The following CPLANE1 variants were observed in gnomAD, a reference collection of about 807,000 sequenced individuals.
CPLANE1 encodes ciliogenesis and planar polarity effector complex subunit 1, also known as ciliogenesis and planar polarity effector 1.
CPLANE1 carries 263 observed loss-of-function variants against 362.5 expected under a neutral mutation model. The ratio of observed to expected loss-of-function variants is 0.73; its 90% CI spans 0.66 to 0.80. The LOEUF is 0.80. Among genes scored for constraint, CPLANE1 ranks in the 30% least tolerant of loss-of-function variants. The pLI, the probability that CPLANE1 is intolerant of heterozygous loss-of-function variation, is 0.00. For missense variants in CPLANE1, 3,461 were observed against 3,793.4 expected, an observed-to-expected ratio of 0.91 and a Z score of 2.30; for synonymous variants, 1,212 against 1,302.6, an observed-to-expected ratio of 0.93 and a Z score of 1.50.
At chr5:37,189,342 G>A (rs1450096266) in intron 21 of CPLANE1, among the ~76,000 whole-genome samples, 1 of 152,094 alleles carries the variant, frequency 6.6e-6, no homozygotes, top group African/African-American at 2.4e-5. Flanking sequence ...AGAGGATGGT[G>A]GGTACATGGC....
At chr5:37,127,201 T>G (rs1417429034) in intron 46 of CPLANE1, among the ~76,000 whole-genome samples, 1 of 152,320 alleles carries the variant, frequency 6.6e-6, no homozygotes. Context: ...TAGGATAAAT[T>G]ATAGCCATGA....
At chr5:37,115,133 C>T in intron 50 of CPLANE1, 84 bp from the exon 51 acceptor site, 1 of 893,980 alleles carries the variant, frequency 1.1e-6, no homozygotes, top group Non-Finnish European at 1.8e-6. Flanking sequence ...GGACAGACAC[C>T]TTGGTGATCA....
chr5:37,094,470 A>G, the CPLANE1 span, among the ~76,000 whole-genome samples: 1 of 152,350 alleles, frequency 6.6e-6, no homozygotes, highest in East Asian at 1.9e-4. Context: ...CTAAAGGACT[A>G]CATCAGATAG....
At position 37,224,605 on chromosome 5, in the gene CPLANE1, T is replaced by C. The variant is rs886038681; in HGVS notation, c.2427A>G (p.Leu809=). The change falls in exon 13 of 53, where the codon TTA becomes TTG. Residue 809 remains leucine (L), a synonymous_variant. Coordinates refer to ENST00000651892, the MANE Select transcript of CPLANE1 (RefSeq NM_001384732.1). ...TCTGTAGGTTAGCCTGCAAATGACA[T>C]AACAGGGACTTGACAGTAGATGCTT... ...THEASTVKSL[L]CHLQANLQST... The C allele has an allele frequency of 3.4e-5, 53 of 1,551,322 alleles. No homozygotes were observed. The Middle Eastern group carries it at 6.7e-4, about 19-fold the overall frequency.
rs141111251 is a variant in CPLANE1 at position 37,132,124 on chromosome 5, T to C, written c.8792+6596A>G. Reference sequence around the variant, plus strand: ...ATAATACAGCAGATACATCGAATAATAGAAATTAAAATAATTAAATAGAAA... The same window carrying C: ...ATAATACAGCAGATACATCGAATAACAGAAATTAAAATAATTAAATAGAAA... On this transcript the variant is annotated intron_variant, in intron 46 of 52. Coordinates refer to ENST00000651892, the MANE Select transcript of CPLANE1 (RefSeq NM_001384732.1). Among the ~76,000 whole-genome samples, 357 of 152,202 alleles carry C rather than the reference T, an allele frequency of 2.3e-3. 3 individuals are homozygous for C. Among genetic ancestry groups the C allele is most frequent in the African/African-American group, 8.1e-3 (338 of 41,532 alleles).
intron 18 of CPLANE1, 55 bp from the exon 19 acceptor site, chr5:37,201,863 C>G: frequency 7.8e-7 from 1 of 1,275,610 alleles, no homozygotes; most frequent in Non-Finnish European, 1.1e-6. Context: ...AACTTCTTAT[C>G]CATTTTGTAG....
At chr5:37,193,376 C>T (rs1322828516) in intron 21 of CPLANE1, among the ~76,000 whole-genome samples, 1 of 151,898 alleles carries the variant, frequency 6.6e-6, no homozygotes, top group African/African-American at 2.4e-5. Context: ...AATCCTGGGC[C>T]AGGCATGGTA....
At chr5:37,094,437 T>C in the CPLANE1 span, among the ~76,000 whole-genome samples, 30 of 152,152 alleles carry the variant, frequency 2.0e-4, no homozygotes, top group Non-Finnish European at 1.9e-4. Flanking sequence ...GCAAAGGCAG[T>C]GCTAAGAGGA....
At position 37,243,082 on chromosome 5, in the gene CPLANE1, T is replaced by C. The variant is rs144969169; in HGVS notation, c.608A>G (p.Tyr203Cys). 2.2e-4 allele frequency: 335 copies of C among 1,547,682 alleles called. No individual in the cohort carries two copies. In the East Asian group the frequency reaches 7.2e-3, roughly 33 times the overall value. Reference protein sequence around the residue: ...GDCCLCSFTFYSGECLKLTFL... With the variant: ...GDCCLCSFTFCSGECLKLTFL... Reference sequence around the variant, plus strand: ...TGTTAACTTCAGGCATTCCCCAGAATAAAAAGTAAATGAACACAGGCAGCA... The same window carrying C: ...TGTTAACTTCAGGCATTCCCCAGAACAAAAAGTAAATGAACACAGGCAGCA... The change falls in exon 6 of 53, where the codon TAT becomes TGT. Residue 203 changes from tyrosine to cysteine, a missense_variant. This residue lies in a region of CPLANE1 where 3,380 missense variants were observed against 3,666.1 expected (regional missense o/e 0.92). Coordinates refer to ENST00000651892, the MANE Select transcript of CPLANE1 (RefSeq NM_001384732.1).
chr5:37,107,699 C>T lies in CPLANE1; in HGVS notation c.9659G>A (p.Gly3220Asp), dbSNP rs868031510. 1.2e-6 allele frequency: 2 copies of T among 1,611,914 alleles called. No homozygotes were observed. The highest frequency in any genetic ancestry group is 1.7e-4 in the Middle Eastern group (1 of 5,982). The change falls in exon 53 of 53, where the codon GGC (glycine) becomes GAC (aspartate). Residue 3220 changes from glycine to aspartate, a missense_variant. Around this residue, in one of 2 missense-constraint regions of CPLANE1, gnomAD observed 81 missense variants for 127.3 expected, o/e 0.64. Transcript: ENST00000651892. ...GGVDSVSEST[G>D]SILSKLDWNA... is the part of the protein sequence containing the mutation. ...CCAGTCCAGCTTGCTGAGGATGCTG[C>T]CAGTGCTCTCAGACACGCTGTCCAC...
chr5:37,235,867 G>A (rs1397572523), intron 8 of CPLANE1, among the ~76,000 whole-genome samples: 1 of 139,856 alleles, frequency 7.2e-6, no homozygotes, highest in Non-Finnish European at 1.5e-5. Context: ...ACTGTGCCCA[G>A]CACTTTTTTT....
the CPLANE1 span, among the ~76,000 whole-genome samples, chr5:37,088,670 C>T: frequency 2.0e-5 from 3 of 152,302 alleles, no homozygotes; most frequent in East Asian, 5.8e-4. Flanking sequence ...CAGCTTTCCT[C>T]GATCAGATGG....
Position 37,206,366 on chromosome 5 carries a change from G to C in CPLANE1, c.2980C>G (p.Gln994Glu), listed in dbSNP as rs1209703558. The C allele has an allele frequency of 5.2e-6, 8 of 1,551,272 alleles. No homozygotes were observed. The highest frequency in any genetic ancestry group is 2.7e-5 in the African/African-American group (2 of 73,014). ...HSKVASVVRD[Q>E]NLSNVWTVEY... is the part of the protein sequence containing the mutation. ...ACTGTCCACACATTAGAGAGATTCT[G>C]ATCTCTAACAACACTGGCCACCTTA... Residue 994 changes from glutamine to glutamate, a missense_variant, in exon 17 of 53, where the codon CAG becomes GAG. Gln to Glu is a conservative substitution (Grantham distance 29). This residue lies in a region of CPLANE1 where 3,380 missense variants were observed against 3,666.1 expected (regional missense o/e 0.92). Coordinates refer to ENST00000651892, the MANE Select transcript of CPLANE1 (RefSeq NM_001384732.1).
chr5:37,205,261 A>G, intron 18 of CPLANE1, 54 bp downstream of exon 18: 3 of 1,327,106 alleles, frequency 2.3e-6, no homozygotes, highest in Non-Finnish European at 3.0e-6. Context: ...TTTTTAAGGT[A>G]TTATAAGGTT....
downstream of CPLANE1, among the ~76,000 whole-genome samples, chr5:37,105,890 GC>G (rs1167853458): frequency 1.3e-5 from 2 of 152,056 alleles, no homozygotes; most frequent in African/African-American, 4.8e-5. Flanking sequence ...CATACGAATG[GC>G]CAACAGGTAT....
At chr5:37,227,849 G>T in intron 9 of CPLANE1, 32 bp from the exon 10 acceptor site, 1 of 1,511,976 alleles carries the variant, frequency 6.6e-7, no homozygotes, top group Non-Finnish European at 8.9e-7. Context: ...ACAAGAATCA[G>T]TAAGAGAAAG....
the CPLANE1 span, among the ~76,000 whole-genome samples, chr5:37,083,395 C>G: frequency 6.6e-6 from 1 of 152,290 alleles, no homozygotes; most frequent in East Asian, 1.9e-4. Flanking sequence ...GAAAATCACA[C>G]TAGCTCACCA....
At chr5:37,225,023 G>C (rs947132908) in intron 12 of CPLANE1, among the ~76,000 whole-genome samples, 1 of 147,548 alleles carries the variant, frequency 6.8e-6, no homozygotes. Flanking sequence ...GGGCCCAAGC[G>C]ATCACCCTAC....
chr5:37,245,687 T>C, intron 3 of CPLANE1, 23 bp downstream of exon 3: 5 of 1,477,166 alleles, frequency 3.4e-6, no homozygotes, highest in Non-Finnish European at 4.5e-6. Context: ...TTTAGCCATT[T>C]GAAAATATCA....
Sources: allele counts gnomAD v4.1 joint callset (sites outside exome capture counted in the v4.1 genomes callset), GRCh38; gene constraint gnomAD v4.1.1; regional missense constraint gnomAD v4.1.1; transcripts MANE v1.5; gene names NCBI Gene and HGNC (gene_info 2026-07-23, HGNC 2026-07-21).